XRCC4: variants seen among roughly 807,000 people sequenced by gnomAD.
XRCC4 encodes the protein X-ray repair cross complementing 4.
Under a neutral mutation model 39.1 loss-of-function variants are expected in XRCC4, and 28 were observed. That is an observed-to-expected ratio of 0.72 (90% CI 0.53 to 0.98). XRCC4 has a LOEUF of 0.98. Ranked by LOEUF, XRCC4 falls within the 50% of genes least tolerant of loss-of-function variation. The pLI is 0.00. For missense variants in XRCC4, 350 were observed against 376.4 expected (o/e 0.93, Z 0.58); for synonymous variants, 123 against 126.4 (o/e 0.97, Z 0.18).
At chr5:83,310,319 G>T (rs1423030791) in intron 7 of XRCC4, among the ~76,000 whole-genome samples, 1 of 152,162 alleles carries the variant, frequency 6.6e-6, no homozygotes, top group Non-Finnish European at 1.5e-5. Context: ...TCTACTCCAT[G>T]TGTTTACTAA....
chr5:83,328,378 TC>T (rs1191391296), intron 7 of XRCC4, among the ~76,000 whole-genome samples: 4 of 152,086 alleles, frequency 2.6e-5, no homozygotes, highest in African/African-American at 9.7e-5. Flanking sequence ...TTCAAAAGAA[TC>T]TATAGGTAAA....
chr5:83,241,110 C>A (rs1348649307), intron 6 of XRCC4, among the ~76,000 whole-genome samples: 1 of 151,896 alleles, frequency 6.6e-6, no homozygotes, highest in Non-Finnish European at 1.5e-5. Flanking sequence ...GTGGCACACA[C>A]CTGTAATGCC....
chr5:83,323,873 G>A (rs1756159342), intron 7 of XRCC4, among the ~76,000 whole-genome samples: 1 of 152,058 alleles, frequency 6.6e-6, no homozygotes, highest in Non-Finnish European at 1.5e-5. Context: ...CTGTGGTATA[G>A]ATCAGGTATC....
At chr5:83,271,865 T>G (rs1366795851) in intron 7 of XRCC4, among the ~76,000 whole-genome samples, 1 of 152,164 alleles carries the variant, frequency 6.6e-6, no homozygotes, top group Non-Finnish European at 1.5e-5. Context: ...CCGCTATCTT[T>G]CTATTATGTG....
chr5:83,235,334 CA>C (rs57372204), intron 6 of XRCC4, among the ~76,000 whole-genome samples: 796 of 58,708 alleles, frequency 0.014, 4 homozygotes, highest in Middle Eastern at 0.021. Flanking sequence ...GACCCTATCT[CA>C]AAAAAAAAAA....
At chr5:83,359,420 A>G in the XRCC4 span, among the ~76,000 whole-genome samples, 1 of 152,126 alleles carries the variant, frequency 6.6e-6, no homozygotes, top group Non-Finnish European at 1.5e-5. Context: ...GGCCTGGCTG[A>G]ACTTGGGTTT....
chr5:83,130,173 A>G (rs1747495405), intron 3 of XRCC4, among the ~76,000 whole-genome samples: 1 of 149,210 alleles, frequency 6.7e-6, no homozygotes, highest in Non-Finnish European at 1.5e-5. Flanking sequence ...AGTTTTTAGC[A>G]TGAAGAGCTG....
At chr5:83,354,897 T>C (rs1259480939), downstream of XRCC4, among the ~76,000 whole-genome samples, 1 of 152,202 alleles carries the variant, frequency 6.6e-6, no homozygotes, top group Non-Finnish European at 1.5e-5. Flanking sequence ...TGCTTAATTT[T>C]CTATTCTCCT....
At chr5:83,112,508 TGAAA>T (rs914628516) in intron 3 of XRCC4, among the ~76,000 whole-genome samples, 1 of 152,254 alleles carries the variant, frequency 6.6e-6, no homozygotes, top group African/African-American at 2.4e-5. Flanking sequence ...TTTAGAAGGC[TGAAA>T]GGCTTTTGAA....
At chr5:83,313,473 A>C (rs367960524) in intron 7 of XRCC4, among the ~76,000 whole-genome samples, 167 of 152,096 alleles carry the variant, frequency 1.1e-3, no homozygotes, top group African/African-American at 3.9e-3. Context: ...TTTTCCCCCC[A>C]GTTTTTACCT....
Position 83,353,227 on chromosome 5 carries a change from CTT to C in XRCC4, c.992_993del (p.Phe331Ter). 3.1e-6 allele frequency: 5 copies of C among 1,608,154 alleles called. No individual in the cohort carries two copies. The highest frequency in any genetic ancestry group is 4.2e-6 in the Non-Finnish European group (5 of 1,177,140). ...TLRNSSPEDL[F>X]DEI ...TGAGAAACAGCAGCCCAGAAGACCT[CTT>C]TGATGAGATTTAACAGTCTCAAAAA... On this transcript the variant is annotated frameshift_variant, in exon 8 of 8. Transcript: ENST00000396027. LOFTEE classifies it high-confidence loss of function.
At chr5:83,136,213 T>C (rs1747889838) in intron 3 of XRCC4, among the ~76,000 whole-genome samples, 1 of 152,206 alleles carries the variant, frequency 6.6e-6, no homozygotes, top group East Asian at 1.9e-4. Context: ...ATATGTGGTA[T>C]TTTAGCTTTG....
chr5:83,095,899 A>G (rs187771521), intron 1 of XRCC4, among the ~76,000 whole-genome samples: 1 of 152,240 alleles, frequency 6.6e-6, no homozygotes, highest in East Asian at 1.9e-4. Flanking sequence ...GATAGTTCCC[A>G]GCAAGAGGAT....
intron 4 of XRCC4, among the ~76,000 whole-genome samples, chr5:83,196,481 T>G (rs947482205): frequency 3.2e-4 from 49 of 152,074 alleles, no homozygotes; most frequent in African/African-American, 1.1e-3. Context: ...TGGCTTTGCC[T>G]CTTTTTAAAT....
intron 1 of XRCC4, among the ~76,000 whole-genome samples, chr5:83,102,487 T>C (rs776845834): frequency 5.1e-4 from 77 of 152,206 alleles, no homozygotes; most frequent in Non-Finnish European, 9.0e-4. Context: ...GCATAGACTT[T>C]TCAAATCCTC....
intron 3 of XRCC4, among the ~76,000 whole-genome samples, chr5:83,190,673 T>C (rs555700732): frequency 6.6e-6 from 1 of 152,328 alleles, no homozygotes; most frequent in Admixed American, 6.5e-5. Context: ...CAGAAACACT[T>C]AGAATGGCCA....
chr5:83,351,425 A>G (rs28360337), intron 7 of XRCC4, among the ~76,000 whole-genome samples: 1 of 152,288 alleles, frequency 6.6e-6, no homozygotes, highest in Non-Finnish European at 1.5e-5. Context: ...TAATTGAGAT[A>G]GTTCAGTTAT....
intron 6 of XRCC4, among the ~76,000 whole-genome samples, chr5:83,257,587 T>C (rs1270258374): frequency 6.6e-6 from 1 of 152,188 alleles, no homozygotes; most frequent in Non-Finnish European, 1.5e-5. Flanking sequence ...ACACTGTTGG[T>C]GGGAGTGTAA....
At chr5:83,254,786 T>C (rs1432789082) in intron 6 of XRCC4, among the ~76,000 whole-genome samples, 2 of 151,954 alleles carry the variant, frequency 1.3e-5, no homozygotes, top group Non-Finnish European at 2.9e-5. Flanking sequence ...GCAGGATGGG[T>C]TGAAATTTGA....
Sources: allele counts gnomAD v4.1 joint callset (sites outside exome capture counted in the v4.1 genomes callset), GRCh38; gene constraint gnomAD v4.1.1; transcripts MANE v1.5; gene names NCBI Gene and HGNC (gene_info 2026-07-23, HGNC 2026-07-21).